The following GPC6 variants were observed in gnomAD, a reference collection of about 807,000 sequenced individuals.
The protein encoded by GPC6 is glypican 6, also known as glypican-6.
In GPC6, 14 loss-of-function variants were observed where a neutral mutation model predicts 55.2. The ratio of observed to expected loss-of-function variants is 0.25; its 90% confidence interval spans 0.17 to 0.40. The LOEUF is 0.40. Among genes scored for constraint, GPC6 ranks in the 10% least tolerant of loss-of-function variants. The probability of loss-of-function intolerance (pLI) is 1.00; values close to 1 mark genes in which losing one functional copy is unlikely to be tolerated. For missense variants in GPC6, 641 were observed against 708.5 expected (o/e 0.90, Z 1.08); for synonymous variants, 278 against 259.6 (o/e 1.07, Z -0.68).
At chr13:93,622,335 A>C (rs1017956308) in intron 2 of GPC6, among the ~76,000 whole-genome samples, 1 of 152,224 alleles carries the variant, frequency 6.6e-6, no homozygotes, top group African/African-American at 2.4e-5. Flanking sequence ...AAGGGAACTC[A>C]AGCTTTAGGA....
chr13:94,148,271 G>A (rs900364764), intron 4 of GPC6, among the ~76,000 whole-genome samples: 2 of 152,132 alleles, frequency 1.3e-5, no homozygotes, highest in African/African-American at 2.4e-5. Flanking sequence ...AAAGCAATTG[G>A]CTTGAGTCAT....
At chr13:94,099,141 T>C (rs1428743201) in intron 4 of GPC6, among the ~76,000 whole-genome samples, 3 of 152,128 alleles carry the variant, frequency 2.0e-5, no homozygotes, top group Non-Finnish European at 4.4e-5. Flanking sequence ...AAATATACTG[T>C]TTTTATAGCA....
Position 93,561,404 on chromosome 13 carries a change from G to GAGATATATATAT in GPC6, c.319+15984_319+15985insGATATATATATA, listed in dbSNP as rs968221822. 1.5e-4 allele frequency among the ~76,000 whole-genome samples: 16 copies of GAGATATATATAT among 104,698 alleles called. 1 individual carries two copies. Among genetic ancestry groups the GAGATATATATAT allele is most frequent in the African/African-American group, 6.6e-4 (16 of 24,124 alleles). The allele number at this position is 104,698 out of a possible 152,430, so 68.7% of individuals were successfully genotyped here. A position where few individuals can be genotyped will look rare whatever the true frequency, so the allele number is the denominator to read the frequency against. On this transcript the variant is annotated intron_variant, in intron 2 of 8. Coordinates refer to ENST00000377047, the MANE Select transcript of GPC6 (RefSeq NM_005708.5). ...AATAATTGCATACTATATCCCTATC[G>GAGATATATATAT]ATATATATATATATATATATATTTG... is the stretch of plus-strand genomic sequence containing the variant.
intron 2 of GPC6, among the ~76,000 whole-genome samples, chr13:93,789,845 G>A (rs527377867): frequency 6.6e-6 from 1 of 150,702 alleles, no homozygotes; most frequent in African/African-American, 2.4e-5. Flanking sequence ...GTGAGAGTTT[G>A]GGTTGTGATT....
At chr13:93,415,726 A>G (rs1014040493) in intron 1 of GPC6, among the ~76,000 whole-genome samples, 1 of 152,084 alleles carries the variant, frequency 6.6e-6, no homozygotes, top group Non-Finnish European at 1.5e-5. Context: ...ATTTTAATTT[A>G]CATTTATTTG....
At chr13:94,103,136 G>A (rs1292080807) in intron 4 of GPC6, among the ~76,000 whole-genome samples, 1 of 152,148 alleles carries the variant, frequency 6.6e-6, no homozygotes, top group Non-Finnish European at 1.5e-5. Flanking sequence ...AACATGTGGT[G>A]TTTGGTTTTC....
At chr13:94,394,911 C>A (rs1880828716) in intron 7 of GPC6, among the ~76,000 whole-genome samples, 1 of 152,104 alleles carries the variant, frequency 6.6e-6, no homozygotes, top group Non-Finnish European at 1.5e-5. Context: ...GGTAGCATTC[C>A]CATGTAAGCT....
intron 1 of GPC6, among the ~76,000 whole-genome samples, chr13:93,467,130 T>A (rs116805576): frequency 0.012 from 1,892 of 152,312 alleles, 33 homozygotes; most frequent in African/African-American, 0.043. Context: ...ATAAGCAAAA[T>A]GTTAACAAAA....
At chr13:93,871,586 A>T (rs1889134508) in intron 3 of GPC6, among the ~76,000 whole-genome samples, 1 of 151,970 alleles carries the variant, frequency 6.6e-6, no homozygotes, top group Admixed American at 6.6e-5. Flanking sequence ...TGTCAGACAC[A>T]TTTTGTCTTT....
intron 2 of GPC6, among the ~76,000 whole-genome samples, chr13:93,748,165 C>A (rs1361345731): frequency 6.6e-6 from 1 of 152,084 alleles, no homozygotes; most frequent in Non-Finnish European, 1.5e-5. Context: ...CGATACTATT[C>A]TTTTGTTCAA....
At chr13:93,886,681 A>G (rs74111033) in intron 3 of GPC6, among the ~76,000 whole-genome samples, 5,213 of 151,236 alleles carry the variant, frequency 0.034, 265 homozygotes, top group East Asian at 0.17. Context: ...TTTAACATTG[A>G]TGGACAGGCA....
chr13:93,697,102 C>T (rs1882487337), intron 2 of GPC6, among the ~76,000 whole-genome samples: 1 of 152,124 alleles, frequency 6.6e-6, no homozygotes, highest in Non-Finnish European at 1.5e-5. Flanking sequence ...GCATCATGTT[C>T]AGGAGATCAA....
chr13:93,526,187 A>G (rs1453925464), intron 1 of GPC6, among the ~76,000 whole-genome samples: 1 of 152,100 alleles, frequency 6.6e-6, no homozygotes, highest in Non-Finnish European at 1.5e-5. Flanking sequence ...TTTCTATCAA[A>G]ATAAAATATG....
At chr13:93,990,668 G>A (rs547551551) in intron 3 of GPC6, among the ~76,000 whole-genome samples, 12 of 151,596 alleles carry the variant, frequency 7.9e-5, no homozygotes, top group East Asian at 1.9e-4. Flanking sequence ...ACAAGCCTGG[G>A]CAACATAGCA....
intron 1 of GPC6, among the ~76,000 whole-genome samples, chr13:93,463,544 T>C (rs1243531331): frequency 1.3e-5 from 2 of 152,120 alleles, no homozygotes; most frequent in African/African-American, 4.8e-5. Context: ...CTGTGGTTTG[T>C]TTTTTGACAG....
intron 2 of GPC6, among the ~76,000 whole-genome samples, chr13:93,574,833 T>C (rs1023611914): frequency 6.6e-6 from 1 of 152,174 alleles, no homozygotes; most frequent in African/African-American, 2.4e-5. Flanking sequence ...ACATACAGTT[T>C]TTATTTGGTT....
At chr13:93,220,036 G>T in the GPC6 span, among the ~76,000 whole-genome samples, 1 of 152,114 alleles carries the variant, frequency 6.6e-6, no homozygotes, top group African/African-American at 2.4e-5. Flanking sequence ...TATTTTATGG[G>T]TTTTCCCGTA....
intron 1 of GPC6, among the ~76,000 whole-genome samples, chr13:93,413,557 C>CTT (rs78359740): frequency 5.3e-4 from 75 of 142,156 alleles, no homozygotes; most frequent in Middle Eastern, 3.7e-3. Context: ...GTATTTTGTT[C>CTT]TTTTTTTTTT....
At position 93,227,655 on chromosome 13, in the gene GPC6, C is replaced by G; in HGVS notation, c.160+39C>G. ...CGCTGCAGGGGCAGGCTGCAGCCCT[C>G]GGCTGCCGCACGTCCCACTGGCCGC... On this transcript the variant is annotated intron_variant, in intron 1 of 8. Coordinates refer to ENST00000377047, the MANE Select transcript of GPC6 (RefSeq NM_005708.5). The surrounding 1 kb of genome is among the most constrained non-coding windows in gnomAD (Gnocchi z 4.3). The G allele has an allele frequency of 6.5e-7, 1 of 1,529,052 alleles. No homozygotes were observed. Among genetic ancestry groups the G allele is most frequent in the South Asian group, 1.1e-5 (1 of 87,150 alleles). 94.7% of individuals were successfully genotyped at this position (1,529,052 alleles called of 1,614,324 possible). A position where few individuals can be genotyped will look rare whatever the true frequency, so the allele number is the denominator to read the frequency against.
Sources: gnomAD v4.1 joint callset for allele counts (sites outside exome capture counted in the v4.1 genomes callset) on GRCh38, gnomAD v4.1.1 for gene constraint, Gnocchi (gnomAD v3.1) non-coding constraint, MANE v1.5 for transcripts, NCBI Gene and HGNC (gene_info 2026-07-23, HGNC 2026-07-21) for gene names.